Variants in NID2 observed in about 807,000 individuals in gnomAD.
NID2 encodes the protein nidogen-2.
A neutral mutation model predicts 145.4 loss-of-function variants in NID2; 83 were observed. That is an observed-to-expected ratio of 0.57 (90% CI 0.48 to 0.69). The LOEUF is 0.69. Ranked by LOEUF, NID2 falls within the 30% of genes least tolerant of loss-of-function variation. NID2 has a pLI of 0.00. For synonymous variants in NID2, 739 were observed against 701.3 expected (o/e 1.05, Z -0.85); for missense variants, 1,807 against 1,765.7 (o/e 1.02, Z -0.42).
rs78718748 is a variant in NID2 at position 52,050,085 on chromosome 14, G to A, written c.1429+3494C>T. Among the ~76,000 whole-genome samples, 271 of 152,308 alleles carry A rather than the reference G, an allele frequency of 1.8e-3. 1 individual carries two copies. The highest frequency in any genetic ancestry group is 3.4e-3 in the Middle Eastern group (1 of 294). On this transcript the variant is annotated intron_variant, in intron 5 of 21. Coordinates refer to ENST00000216286, the MANE Select transcript of NID2 (RefSeq NM_007361.4). Reference sequence around the variant, plus strand: ...ACTACATGAGGTTTCTGAAAGCCAGGTGTCCTTCCTCCTAACTCATCATGC... The same window carrying A: ...ACTACATGAGGTTTCTGAAAGCCAGATGTCCTTCCTCCTAACTCATCATGC...
At chr14:52,011,440 C>T (rs189918794) in intron 17 of NID2, 114 bp downstream of exon 17, 3 of 1,338,430 alleles carry the variant, frequency 2.2e-6, no homozygotes, top group Non-Finnish European at 2.1e-6. Flanking sequence ...AAATGACTTG[C>T]CTAGAACTTA....
At chr14:52,045,081 C>T (rs927073250) in intron 5 of NID2, among the ~76,000 whole-genome samples, 1 of 152,096 alleles carries the variant, frequency 6.6e-6, no homozygotes, top group Non-Finnish European at 1.5e-5. Context: ...TCAATGGGAT[C>T]CAAGTACGGA....
rs1277997955 is a variant in NID2, at chr14:52,042,158, C to T, written c.1772G>A (p.Gly591Asp). 2 of 1,612,350 alleles carry T rather than the reference C, an allele frequency of 1.2e-6. No homozygotes were observed. The highest frequency in any genetic ancestry group is 1.7e-6 in the Non-Finnish European group (2 of 1,178,806). Residue 591 changes from glycine (G) to aspartate (D), a missense_variant, in exon 7 of 22, where the codon GGC becomes GAC. Coordinates refer to ENST00000216286, the MANE Select transcript of NID2 (RefSeq NM_007361.4). Reference sequence around the variant, plus strand: ...AGGTTTTTCTAAAGCAAAGAGCCAGCCAAACAGGCCTCCAATTGGTGTGAG... The same window carrying T: ...AGGTTTTTCTAAAGCAAAGAGCCAGTCAAACAGGCCTCCAATTGGTGTGAG... ...LPLTPIGGLF[G>D]WLFALEKPGS...
At chr14:52,038,560 G>T (rs556670276) in intron 9 of NID2, among the ~76,000 whole-genome samples, 187 bp downstream of exon 9, 1 of 152,222 alleles carries the variant, frequency 6.6e-6, no homozygotes, top group East Asian at 1.9e-4. Flanking sequence ...CAGGGACACT[G>T]TTCCCTGCCC....
chr14:52,027,437 A>G, intron 11 of NID2, 93 bp from the exon 12 acceptor site: 1 of 1,152,788 alleles, frequency 8.7e-7, no homozygotes, highest in Non-Finnish European at 1.2e-6. Flanking sequence ...CAACAGCAAC[A>G]GACCAGGGAA....
intron 10 of NID2, among the ~76,000 whole-genome samples, 159 bp from the exon 11 acceptor site, chr14:52,029,009 G>C (rs1497088): frequency 0.18 from 27,202 of 152,192 alleles, 3,126 homozygotes; most frequent in East Asian, 0.51. Context: ...GCATGTTGCA[G>C]ATAATCAGAA....
At chr14:52,031,663 G>C in intron 9 of NID2, among the ~76,000 whole-genome samples, 1 of 152,162 alleles carries the variant, frequency 6.6e-6, no homozygotes, top group Non-Finnish European at 1.5e-5. Flanking sequence ...CAGCATCATG[G>C]CATCTGTAGG....
At chr14:52,063,343 C>A (rs1290263138) in intron 2 of NID2, among the ~76,000 whole-genome samples, 4 of 152,170 alleles carry the variant, frequency 2.6e-5, no homozygotes, top group African/African-American at 9.7e-5. Flanking sequence ...AGAGGAGCAG[C>A]ACAGAGAGGA....
intron 13 of NID2, 140 bp downstream of exon 13, chr14:52,019,919 G>A: frequency 9.3e-6 from 11 of 1,181,578 alleles, no homozygotes; most frequent in South Asian, 1.5e-5. Context: ...GCAGCAGGAG[G>A]TAACCAAGGA....
chr14:52,042,836 AG>A lies in NID2; in HGVS notation c.1524del (p.Cys509AlafsTer24). ...TAAAACTTGGATTGGCAGTGGCAGCAGAAGCCAGTGGCATAGTCCGTGCAGA... is the reference window on the plus strand; with the variant it reads ...TAAAACTTGGATTGGCAGTGGCAGCAAAGCCAGTGGCATAGTCCGTGCAGA... ...HAFCTDYATG[F>X]CCHCQSKFYG... On this transcript the variant is annotated frameshift_variant, in exon 6 of 22. Transcript: ENST00000216286. LOFTEE classifies it high-confidence loss of function. 6.2e-7 allele frequency: 1 copy of A among 1,614,248 alleles called. No individual in the cohort carries two copies. Among genetic ancestry groups the A allele is most frequent in the Non-Finnish European group, 8.5e-7 (1 of 1,180,040 alleles).
rs1176818604 is a variant in NID2, at chr14:52,042,941, AAAAC to A, written c.1430-14_1430-11del. 2.5e-6 allele frequency: 4 copies of A among 1,613,870 alleles called. No individual in the cohort carries two copies. Among genetic ancestry groups the A allele is most frequent in the South Asian group, 1.1e-5 (1 of 90,988 alleles). Reference sequence around the variant, plus strand: ...GCATTATACGTGAAGACTGAAAAATAAAACAAACTTGCCTTAAAAGGACTAAATG... The same window carrying A: ...GCATTATACGTGAAGACTGAAAAATAAAACTTGCCTTAAAAGGACTAAATG... On this transcript the variant is annotated splice_polypyrimidine_tract_variant and intron_variant, in intron 5 of 21. Coordinates refer to ENST00000216286, the MANE Select transcript of NID2 (RefSeq NM_007361.4).
chr14:52,050,892 C>T (rs1369233717), intron 5 of NID2, among the ~76,000 whole-genome samples: 1 of 152,238 alleles, frequency 6.6e-6, no homozygotes, highest in Admixed American at 6.5e-5. Flanking sequence ...CAAGTTCTCA[C>T]TTTAGAGCAG....
intron 9 of NID2, among the ~76,000 whole-genome samples, chr14:52,033,326 C>T (rs1008805932): frequency 1.3e-5 from 2 of 152,284 alleles, no homozygotes; most frequent in Middle Eastern, 3.4e-3. Context: ...CTCCTCAACT[C>T]GCCAAAAGGA....
chr14:52,005,878 G>GGGACAGTCATTTACTAGATAAAGAAGT (rs746316998), intron 20 of NID2, 29 bp from the exon 21 acceptor site: 1 of 1,507,078 alleles, frequency 6.6e-7, no homozygotes, highest in Non-Finnish European at 9.2e-7. Context: ...AGTGAATTCA[G>GGGACAGTCATTTACTAGATAAAGAAGT]GGACAGTCAT....
Position 52,068,135 on chromosome 14 carries a change from T to C in NID2, c.257A>G (p.Gln86Arg). 1 of 1,613,192 alleles carries C rather than the reference T, an allele frequency of 6.2e-7. No individual in the cohort carries two copies. Among genetic ancestry groups the C allele is most frequent in the Non-Finnish European group, 8.5e-7 (1 of 1,179,876 alleles). ...ATACTGCGTTTCCCTGGGGAAGTCC[T>C]GAGTGGAGATGATGCCGTTGGTGCC... The part of the protein sequence containing the change: ...YVGTNGIIST[Q>R]DFPRETQYVD... Residue 86 changes from glutamine to arginine, a missense_variant, in exon 2 of 22, where the codon CAG becomes CGG. Physicochemically the swap from Gln to Arg is conservative, Grantham distance 43 (BLOSUM62 1). Transcript: ENST00000216286.
At chr14:52,046,379 A>C (rs897396841) in intron 5 of NID2, among the ~76,000 whole-genome samples, 6 of 151,320 alleles carry the variant, frequency 4.0e-5, no homozygotes, top group Non-Finnish European at 5.9e-5. Context: ...ATCAATCCAA[A>C]CTTTACAAGC....
chr14:52,042,270 G>A lies in NID2; in HGVS notation c.1660C>T (p.Leu554=). ...HTPVHFTDVD[L]HAYIVGNDGR... The stretch of plus-strand genomic sequence containing the variant: ...TCATTGCCCACGATATACGCATGCA[G>A]GTCCACATCAGTGAAGTGCACGGGT... Residue 554 remains leucine (L), a synonymous_variant, in exon 7 of 22, where the codon CTG becomes TTG. Coordinates refer to ENST00000216286, the MANE Select transcript of NID2 (RefSeq NM_007361.4). 1 of 1,614,240 alleles carries A rather than the reference G, an allele frequency of 6.2e-7. No individual in the cohort carries two copies. The highest frequency in any genetic ancestry group is 8.5e-7 in the Non-Finnish European group (1 of 1,180,044).
intron 9 of NID2, among the ~76,000 whole-genome samples, chr14:52,035,854 GTGTA>G (rs1892042736): frequency 2.8e-5 from 1 of 36,074 alleles, no homozygotes; most frequent in African/African-American, 1.1e-4. Context: ...AAATTTTTTT[GTGTA>G]TATATATATA....
chr14:52,036,900 A>C (rs1381493219), intron 9 of NID2, among the ~76,000 whole-genome samples: 1 of 152,134 alleles, frequency 6.6e-6, no homozygotes, highest in Non-Finnish European at 1.5e-5. Flanking sequence ...AACAAATATC[A>C]CATGATTTAA....
Sources: allele counts gnomAD v4.1 joint callset (sites outside exome capture counted in the v4.1 genomes callset), GRCh38; gene constraint gnomAD v4.1.1; transcripts MANE v1.5; gene names NCBI Gene and HGNC (gene_info 2026-07-23, HGNC 2026-07-21).